Variants in PCNX4 observed in about 807,000 individuals in gnomAD.
PCNX4 encodes the protein pecanex 4, also known as pecanex-like protein 4.
In PCNX4, 103 loss-of-function variants were observed where a neutral mutation model predicts 107.2. The ratio of observed to expected loss-of-function variants is 0.96; its 90% CI spans 0.82 to 1.13. PCNX4 has a LOEUF of 1.13. PCNX4 is among the 50% of genes most tolerant of loss of function. The probability of loss-of-function intolerance (pLI) is 0.00; values close to 1 mark genes in which losing one functional copy is unlikely to be tolerated. For missense variants in PCNX4, 1,528 were observed against 1,379.4 expected (o/e 1.11, Z -1.71); for synonymous variants, 541 against 481.7 (o/e 1.12, Z -1.61).
chr14:60,092,651 T>C (rs1895327089), intron 1 of PCNX4, among the ~76,000 whole-genome samples: 1 of 152,220 alleles, frequency 6.6e-6, no homozygotes, highest in African/African-American at 2.4e-5. Flanking sequence ...GCCTGTTGAA[T>C]TGTAGCATTT....
At chr14:60,100,433 G>T (rs949466746) in intron 1 of PCNX4, among the ~76,000 whole-genome samples, 4 of 152,072 alleles carry the variant, frequency 2.6e-5, no homozygotes, top group African/African-American at 9.7e-5. Flanking sequence ...CAAGTAGCTG[G>T]GATTACAGGC....
In PCNX4 at chr14:60,136,917, T is replaced by A. The variant is rs1473280272; in HGVS notation, c.*2696T>A. 1 of 152,548 alleles carries A rather than the reference T, an allele frequency of 6.6e-6. No individual in the cohort carries two copies. The highest frequency in any genetic ancestry group is 2.4e-5 in the African/African-American group (1 of 41,462). 9.4% of individuals were successfully genotyped at this position (152,548 alleles called of 1,614,324 possible). On this transcript the variant is annotated 3_prime_UTR_variant, in exon 11 of 11. Transcript: ENST00000406854. The stretch of plus-strand genomic sequence containing the variant: ...CCCGAACCCCTGTGAAATGTTTTAC[T>A]TTGATCAAGGTCTGCAAAATAGCGG...
At position 60,139,734 on chromosome 14, in the gene PCNX4, TCA is replaced by T. The variant is rs1896285587; in HGVS notation, c.*5514_*5515del. 6.6e-6 allele frequency: 1 copy of T among 152,130 alleles called. No individual in the cohort carries two copies. The highest frequency in any genetic ancestry group is 1.5e-5 in the Non-Finnish European group (1 of 67,970). The allele number at this position is 152,130 out of a possible 1,614,324, so 9.4% of individuals were successfully genotyped here. A position where few individuals can be genotyped will look rare whatever the true frequency, so the allele number is the denominator to read the frequency against. Reference sequence around the variant, plus strand: ...ATGGAATATATTCTTTGGCCATGTATCATTCACTTAGAAATCAATAATAATTT... The same window carrying T: ...ATGGAATATATTCTTTGGCCATGTATTTCACTTAGAAATCAATAATAATTT... On this transcript the variant is annotated 3_prime_UTR_variant, in exon 11 of 11. Transcript: ENST00000406854.
At chr14:60,107,543 T>C in intron 1 of PCNX4, 43 bp from the exon 2 acceptor site, 1 of 1,080,882 alleles carries the variant, frequency 9.3e-7, no homozygotes, top group Non-Finnish European at 1.3e-6. Context: ...AGGTTTTAAA[T>C]GACATTTTCA....
At chr14:60,103,441 A>C (rs909177066) in intron 1 of PCNX4, among the ~76,000 whole-genome samples, 1 of 152,190 alleles carries the variant, frequency 6.6e-6, no homozygotes, top group Non-Finnish European at 1.5e-5. Flanking sequence ...ATAATTTTTC[A>C]AACTGCCCTG....
rs1487541365 is a variant in PCNX4, at chr14:60,143,097, G to A, written c.*8876G>A. 2 of 152,226 alleles carry A rather than the reference G, an allele frequency of 1.3e-5. No individual in the cohort carries two copies. Among genetic ancestry groups the A allele is most frequent in the Non-Finnish European group, 2.9e-5 (2 of 68,078 alleles). The allele number at this position is 152,226 out of a possible 1,614,324, so 9.4% of individuals were successfully genotyped here. A position where few individuals can be genotyped will look rare whatever the true frequency, so the allele number is the denominator to read the frequency against. Reference sequence around the variant, plus strand: ...CATCAGCAGGCACAATGCTAGGCAGGCACTGGAGATTCAGTGATGAATAAA... The same window carrying A: ...CATCAGCAGGCACAATGCTAGGCAGACACTGGAGATTCAGTGATGAATAAA... On this transcript the variant is annotated 3_prime_UTR_variant, in exon 11 of 11. Coordinates refer to ENST00000406854, the MANE Select transcript of PCNX4 (RefSeq NM_001330177.2).
chr14:60,133,868 C>T, intron 10 of PCNX4, 102 bp from the exon 11 acceptor site: 2 of 1,202,234 alleles, frequency 1.7e-6, no homozygotes, highest in Non-Finnish European at 2.3e-6. Flanking sequence ...AAAAGTTTGC[C>T]TAATTACAAT....
At position 60,107,651 on chromosome 14, in the gene PCNX4, G is replaced by A. The variant is rs778792973; in HGVS notation, c.13G>A (p.Val5Met). 36 of 1,612,088 alleles carry A rather than the reference G, an allele frequency of 2.2e-5. No homozygotes were observed. The highest frequency in any genetic ancestry group is 2.7e-5 in the Non-Finnish European group (32 of 1,179,552). MSPDVPLLNDYKQDF... is the reference protein window; with the variant it reads MSPDMPLLNDYKQDF... ...ATCCCGAGTGAGGATGAGTCCAGAT[G>A]TGCCTCTACTGAATGATTACAAGCA... The change falls in exon 2 of 11, where the codon GTG becomes ATG. Residue 5 changes from valine (V) to methionine (M), a missense_variant. Val to Met is a conservative substitution (Grantham distance 21, BLOSUM62 1). Transcript: ENST00000406854.
intron 2 of PCNX4, chr14:60,110,105 T>G (rs889332104): frequency 1.2e-5 from 2 of 167,050 alleles, no homozygotes; most frequent in Non-Finnish European, 2.9e-5. Flanking sequence ...ACACCAAAAG[T>G]GTGGGGCTGG....
intron 1 of PCNX4, among the ~76,000 whole-genome samples, chr14:60,098,874 G>A (rs1289399873): frequency 6.6e-6 from 1 of 151,652 alleles, no homozygotes; most frequent in African/African-American, 2.4e-5. Context: ...AGAGGCGGAG[G>A]TTGCAGTGAG....
Position 60,141,277 on chromosome 14 carries a change from A to G in PCNX4, c.*7056A>G, listed in dbSNP as rs1317022787. The G allele has an allele frequency of 6.6e-6, 1 of 152,250 alleles. No homozygotes were observed. The highest frequency in any genetic ancestry group is 1.9e-4 in the East Asian group (1 of 5,204). The allele number at this position is 152,250 out of a possible 1,614,324, so 9.4% of individuals were successfully genotyped here. A position where few individuals can be genotyped will look rare whatever the true frequency, so the allele number is the denominator to read the frequency against. ...TAGCAAAATAAGCCCAAAGCAGGCA[A>G]AAGAAAGGAAATAACCAAAAGCAGA... On this transcript the variant is annotated 3_prime_UTR_variant, in exon 11 of 11. Transcript: ENST00000406854.
At chr14:60,118,253 G>C in intron 6 of PCNX4, 76 bp from the exon 7 acceptor site, 2 of 1,421,694 alleles carry the variant, frequency 1.4e-6, no homozygotes, top group Non-Finnish European at 1.8e-6. Context: ...TTACTGTATA[G>C]TCTGTCTTAT....
Position 60,116,202 on chromosome 14 carries a change from A to G in PCNX4, c.1578+142A>G, listed in dbSNP as rs147085436. On this transcript the variant is annotated intron_variant, in intron 6 of 10. Transcript: ENST00000406854. ...TTCAACATCCCAAAAAGAAACCTCA[A>G]CTGTTATTTCCCATTCCCCCTCTCC... 145 of 808,422 alleles carry G rather than the reference A, an allele frequency of 1.8e-4. No individual in the cohort carries two copies. The African/African-American group carries it at 2.2e-3, about 12-fold the overall frequency. 50.1% of individuals were successfully genotyped at this position (808,422 alleles called of 1,614,324 possible). A position where few individuals can be genotyped will look rare whatever the true frequency, so the allele number is the denominator to read the frequency against.
At chr14:60,102,174 A>G (rs1356294547) in intron 1 of PCNX4, among the ~76,000 whole-genome samples, 1 of 152,182 alleles carries the variant, frequency 6.6e-6, no homozygotes, top group East Asian at 1.9e-4. Context: ...GCAGCTGACA[A>G]TACTGTATTG....
At chr14:60,104,667 C>T (rs1038665161) in intron 1 of PCNX4, among the ~76,000 whole-genome samples, 9 of 152,136 alleles carry the variant, frequency 5.9e-5, no homozygotes, top group Admixed American at 2.6e-4. Flanking sequence ...TGGCAGCAGA[C>T]GAGAGAAAAT....
intron 2 of PCNX4, among the ~76,000 whole-genome samples, chr14:60,112,257 G>GA (rs1418991332): frequency 6.6e-6 from 1 of 152,086 alleles, no homozygotes; most frequent in Non-Finnish European, 1.5e-5. Flanking sequence ...AGCCACTGTA[G>GA]AAAAAATCTT....
intron 1 of PCNX4, among the ~76,000 whole-genome samples, chr14:60,101,931 A>G (rs976905533): frequency 1.1e-4 from 17 of 152,240 alleles, no homozygotes; most frequent in African/African-American, 4.1e-4. Context: ...ATGTAACAAC[A>G]GATGAACCTT....
rs2140584451 is a variant in PCNX4, at chr14:60,146,480, C to T, written c.*12259C>T. 6.6e-6 allele frequency: 1 copy of T among 152,002 alleles called. No homozygotes were observed. The highest frequency in any genetic ancestry group is 1.9e-4 in the East Asian group (1 of 5,180). The allele number at this position is 152,002 out of a possible 1,614,324, so 9.4% of individuals were successfully genotyped here. On this transcript the variant is annotated 3_prime_UTR_variant, in exon 11 of 11. Coordinates refer to ENST00000406854, the MANE Select transcript of PCNX4 (RefSeq NM_001330177.2). The surrounding 1 kb of genome is among the most constrained non-coding windows in gnomAD (Gnocchi z 4.9). ...AGACATTATGGAAAATACGGAAATT[C>T]CTCAAAAAATTAAAAATAGAATTAC...
In PCNX4 at chr14:60,140,324, C is replaced by G. The variant is rs374505638; in HGVS notation, c.*6103C>G. 7 of 152,226 alleles carry G rather than the reference C, an allele frequency of 4.6e-5. No homozygotes were observed. Among genetic ancestry groups the G allele is most frequent in the African/African-American group, 1.7e-4 (7 of 41,544 alleles). 9.4% of individuals were successfully genotyped at this position (152,226 alleles called of 1,614,324 possible). ...GAAAAAATAGAAAATTCGAGTAGTT[C>G]CCTATCTGCTAAAGAAGTGGAACCT... On this transcript the variant is annotated 3_prime_UTR_variant, in exon 11 of 11. Coordinates refer to ENST00000406854, the MANE Select transcript of PCNX4 (RefSeq NM_001330177.2). This position sits in a 1 kb window ranked among gnomAD's most constrained non-coding sequence, Gnocchi z 4.2.
Sources: gnomAD v4.1 joint callset for allele counts (sites outside exome capture counted in the v4.1 genomes callset) on GRCh38, gnomAD v4.1.1 for gene constraint, Gnocchi (gnomAD v3.1) non-coding constraint, MANE v1.5 for transcripts, NCBI Gene and HGNC (gene_info 2026-07-23, HGNC 2026-07-21) for gene names.